Variants in ZNF423 observed in about 807,000 individuals in gnomAD.
ZNF423 encodes the protein Ebf-associated zinc finger protein.
Under a neutral mutation model 95.8 loss-of-function variants are expected in ZNF423, and 12 were observed. The ratio of observed to expected loss-of-function variants is 0.13; its 90% confidence interval spans 0.08 to 0.20. The LOEUF is 0.20. Among genes scored for constraint, ZNF423 ranks in the 10% least tolerant of loss-of-function variants. ZNF423 has a pLI of 1.00. For missense variants in ZNF423, 1,316 were observed against 1,737.1 expected, an observed-to-expected ratio of 0.76 and a Z score of 4.31; for synonymous variants, 749 against 711.9, an observed-to-expected ratio of 1.05 and a Z score of -0.83.
At chr16:49,546,049 T>C (rs997613235) in intron 5 of ZNF423, among the ~76,000 whole-genome samples, 8 of 152,356 alleles carry the variant, frequency 5.3e-5, no homozygotes, top group African/African-American at 1.2e-4. Flanking sequence ...ATTTCTGTTA[T>C]GTGCAAAGCA....
intron 3 of ZNF423, among the ~76,000 whole-genome samples, chr16:49,665,660 C>G (rs1182090868): frequency 6.6e-6 from 1 of 152,094 alleles, no homozygotes; most frequent in Non-Finnish European, 1.5e-5. Context: ...GTGGCCCAGC[C>G]CTGGTAGCAC....
intron 4 of ZNF423, among the ~76,000 whole-genome samples, chr16:49,627,199 C>A (rs1210556636): frequency 1.4e-5 from 2 of 144,164 alleles, no homozygotes; most frequent in African/African-American, 2.6e-5. Flanking sequence ...TTTCCATCTA[C>A]CCATCCATCC....
At chr16:49,831,514 A>G (rs1198506938) in intron 1 of ZNF423, among the ~76,000 whole-genome samples, 1 of 152,120 alleles carries the variant, frequency 6.6e-6, no homozygotes, top group Non-Finnish European at 1.5e-5. Context: ...AACTAATATA[A>G]CTATTAGCTG....
At chr16:49,730,715 T>C (rs1269524795) in intron 3 of ZNF423, 56 bp downstream of exon 3, 1 of 1,569,726 alleles carries the variant, frequency 6.4e-7, no homozygotes, top group African/African-American at 1.3e-5. Context: ...AAGCTGTTGC[T>C]ATGTCCAATT....
At chr16:49,623,974 C>G (rs1250801664) in intron 5 of ZNF423, among the ~76,000 whole-genome samples, 1 of 152,202 alleles carries the variant, frequency 6.6e-6, no homozygotes, top group African/African-American at 2.4e-5. Context: ...GATGGCTGTA[C>G]AAATTTGGAG....
chr16:49,709,168 T>TTTTATATATATATATATATATA (rs68002485), intron 3 of ZNF423, among the ~76,000 whole-genome samples: 1 of 93,456 alleles, frequency 1.1e-5, no homozygotes, highest in African/African-American at 4.9e-5. Context: ...CAGCAGCCGT[T>TTTTATATATATATATATATATA]TATATATATA....
At chr16:49,810,623 T>C (rs907824273) in intron 1 of ZNF423, among the ~76,000 whole-genome samples, 5 of 152,220 alleles carry the variant, frequency 3.3e-5, no homozygotes, top group Admixed American at 6.5e-5. Flanking sequence ...CACAGACAAC[T>C]GCCATGAGTT....
Position 49,586,535 on chromosome 16 carries a change from T to A in ZNF423, c.3601+39635A>T, listed in dbSNP as rs985500682. 2.8e-4 allele frequency among the ~76,000 whole-genome samples: 42 copies of A among 152,194 alleles called. 1 individual carries two copies. The highest frequency in any genetic ancestry group is 8.4e-4 in the African/African-American group (35 of 41,448). ...CCAGCACACCAATAAATTAAGATATTCCTGGCCGCATCTGCACGAGGGAAA... is the reference window on the plus strand; with the variant it reads ...CCAGCACACCAATAAATTAAGATATACCTGGCCGCATCTGCACGAGGGAAA... On this transcript the variant is annotated intron_variant, in intron 5 of 7. Transcript: ENST00000563137.
At chr16:49,706,309 A>G (rs2032348430) in intron 3 of ZNF423, among the ~76,000 whole-genome samples, 1 of 152,266 alleles carries the variant, frequency 6.6e-6, no homozygotes, top group Admixed American at 6.5e-5. Flanking sequence ...TAAGATGGGC[A>G]GGACTGTAGT....
chr16:49,685,882 C>A (rs577394335), intron 3 of ZNF423, among the ~76,000 whole-genome samples: 2 of 152,226 alleles, frequency 1.3e-5, no homozygotes, highest in Admixed American at 1.3e-4. Flanking sequence ...TGGCTCACCA[C>A]GCTCCCCCAT....
chr16:49,579,591 C>A (rs916546010), intron 5 of ZNF423, among the ~76,000 whole-genome samples: 1 of 152,168 alleles, frequency 6.6e-6, no homozygotes, highest in Middle Eastern at 3.4e-3. Flanking sequence ...AGGGTCCAGG[C>A]AAGCTGAGCG....
At chr16:49,853,188 A>C (rs1214717089) in intron 1 of ZNF423, among the ~76,000 whole-genome samples, 2 of 152,008 alleles carry the variant, frequency 1.3e-5, no homozygotes, top group Non-Finnish European at 2.9e-5. Context: ...GTTCCTTAAG[A>C]AGCACTTTCA....
In ZNF423 at chr16:49,674,839, C is replaced by T. The variant is rs537640420; in HGVS notation, c.302-35965G>A. Among the ~76,000 whole-genome samples, 3 of 152,228 alleles carry T rather than the reference C, an allele frequency of 2.0e-5. No homozygotes were observed. In the South Asian group the frequency reaches 6.2e-4, roughly 32 times the overall value. ...CTACAGTTTGTGAGCTCCCAGTGGC[C>T]GGTTTGTCTTAGAAAGGGACTGAGT... On this transcript the variant is annotated intron_variant, in intron 3 of 7. Transcript: ENST00000563137.
At chr16:49,726,549 C>T (rs1452837525) in intron 3 of ZNF423, among the ~76,000 whole-genome samples, 2 of 152,122 alleles carry the variant, frequency 1.3e-5, no homozygotes, top group Admixed American at 1.3e-4. Flanking sequence ...CAAATTATGA[C>T]GTTATTTGTT....
intron 2 of ZNF423, among the ~76,000 whole-genome samples, chr16:49,738,636 G>A (rs1431770913): frequency 1.3e-5 from 2 of 152,118 alleles, no homozygotes; most frequent in Admixed American, 1.3e-4. Context: ...AGGGATGGAC[G>A]GGAGGAGAAA....
chr16:49,821,278 G>A (rs2034936889), intron 1 of ZNF423, among the ~76,000 whole-genome samples: 1 of 151,986 alleles, frequency 6.6e-6, no homozygotes, highest in Admixed American at 6.6e-5. Flanking sequence ...GGGGCGGGGG[G>A]CGATGGGGAG....
chr16:49,673,712 C>G (rs2030921654), intron 3 of ZNF423, among the ~76,000 whole-genome samples: 1 of 152,224 alleles, frequency 6.6e-6, no homozygotes, highest in Non-Finnish European at 1.5e-5. Flanking sequence ...TGCACACAAA[C>G]CCTTCTGCCC....
At chr16:49,508,842 A>G (rs937664557) in intron 7 of ZNF423, among the ~76,000 whole-genome samples, 4 of 152,112 alleles carry the variant, frequency 2.6e-5, no homozygotes. Flanking sequence ...TATTTTATTT[A>G]CCCTAGAACC....
intron 1 of ZNF423, among the ~76,000 whole-genome samples, chr16:49,810,545 C>G (rs1046724855): frequency 6.6e-6 from 1 of 152,190 alleles, no homozygotes; most frequent in Non-Finnish European, 1.5e-5. Context: ...ATGCTGTGAG[C>G]TCCCTGAGGG....
Sources: gnomAD v4.1 joint callset for allele counts (sites outside exome capture counted in the v4.1 genomes callset) on GRCh38, gnomAD v4.1.1 for gene constraint, MANE v1.5 for transcripts, NCBI Gene and HGNC (gene_info 2026-07-23, HGNC 2026-07-21) for gene names.